Variants in H1-5 observed in about 807,000 individuals in gnomAD.
H1-5 encodes the protein histone H1.5.
A neutral mutation model predicts 4.6 loss-of-function variants in H1-5; 3 were observed. The observed-to-expected ratio is 0.65, with a 90% CI of 0.30 to 1.68. The LOEUF is 1.68. Ranked by LOEUF, H1-5 falls within the 40% of genes most tolerant of loss-of-function variation. The pLI is 0.10. For synonymous variants in H1-5, 250 were observed against 123.4 expected, an observed-to-expected ratio of 2.03 and a Z score of -6.80; for missense variants, 521 against 287.9, an observed-to-expected ratio of 1.81 and a Z score of -5.86.
rs1359940494 is a variant in H1-5 at position 27,867,422 on chromosome 6, G to T, written c.108C>A (p.Arg36=). ...KKAAGAGAAK[R]KATGPPVSEL... ...CTGAGACTGGGGGCCCCGTCGCTTT[G>T]CGCTTAGCAGCGCCGGCGCCGGCAG... The change falls in exon 1 of 1, where the codon CGC becomes CGA. Residue 36 remains arginine (R), a synonymous_variant. Transcript: ENST00000331442. 6.2e-7 allele frequency: 1 copy of T among 1,610,346 alleles called. No homozygotes were observed. Among genetic ancestry groups the T allele is most frequent in the South Asian group, 1.1e-5 (1 of 90,676 alleles).
chr6:27,867,354 C>G lies in H1-5; in HGVS notation c.176G>C (p.Gly59Ala). Reference protein sequence around the residue: ...KAVAASKERNGLSLAALKKAL... With the variant: ...KAVAASKERNALSLAALKKAL... The stretch of plus-strand genomic sequence containing the variant: ...CTTCTTAAGGGCTGCCAAAGAAAGG[C>G]CATTGCGCTCCTTAGAAGCAGCCAC... Residue 59 changes from glycine (G) to alanine (A), a missense_variant, in exon 1 of 1, where the codon GGC becomes GCC. Transcript: ENST00000331442. 1 of 1,614,264 alleles carries G rather than the reference C, an allele frequency of 6.2e-7. No individual in the cohort carries two copies. The highest frequency in any genetic ancestry group is 2.2e-5 in the East Asian group (1 of 44,878).
At position 27,867,056 on chromosome 6, in the gene H1-5, C is replaced by G. The variant is rs143393068; in HGVS notation, c.474G>C (p.Lys158Asn). 1 of 1,613,674 alleles carries G rather than the reference C, an allele frequency of 6.2e-7. No individual in the cohort carries two copies. Among genetic ancestry groups the G allele is most frequent in the South Asian group, 1.1e-5 (1 of 91,016 alleles). Residue 158 changes from lysine (K) to asparagine (N), a missense_variant, in exon 1 of 1, where the codon AAG (lysine) becomes AAC (asparagine). Lys to Asn is a moderately conservative substitution (Grantham distance 94, BLOSUM62 0). Transcript: ENST00000331442. ...CGCCAGCCGCCGCGGGCTTCTTCGC[C>G]TTCTTCGGAGTCTTCTTCACTGCCT... ...AKKAVKKTPK[K>N]AKKPAAAGVK...
chr6:27,866,900 TGCTTTGGGCTTAGCG>T lies in H1-5; in HGVS notation c.615_629del (p.Pro213_Lys217del), dbSNP rs758100284. 6.8e-5 allele frequency: 110 copies of T among 1,608,286 alleles called. 1 individual carries two copies. The highest frequency in any genetic ancestry group is 6.6e-4 in the Middle Eastern group (4 of 6,016). On this transcript the variant is annotated inframe_deletion, in exon 1 of 1. Coordinates refer to ENST00000331442, the MANE Select transcript of H1-5 (RefSeq NM_005322.3). ...TGGCCTTTGCAGCTTTAGGTTTTGC[TGCTTTGGGCTTAGCG>T]GCTTTGGGCTTTGCCGCCTTCGGCT... is the stretch of plus-strand genomic sequence containing the variant.
In H1-5 at chr6:27,867,105, G is replaced by T; in HGVS notation, c.425C>A (p.Ala142Asp). ...KKPAGATPKK[A>D]KKAAGAKKAV... ...CTTTTTCGCCCCTGCAGCCTTCTTG[G>T]CCTTCTTAGGCGTGGCCCCCGCGGG... The change falls in exon 1 of 1, where the codon GCC becomes GAC. Residue 142 changes from alanine (A) to aspartate (D), a missense_variant. Physicochemically the swap from Ala to Asp is moderately radical, Grantham distance 126 (BLOSUM62 -2). Coordinates refer to ENST00000331442, the MANE Select transcript of H1-5 (RefSeq NM_005322.3). 1 of 1,613,956 alleles carries T rather than the reference G, an allele frequency of 6.2e-7. No homozygotes were observed. Among genetic ancestry groups the T allele is most frequent in the Middle Eastern group, 1.7e-4 (1 of 6,044 alleles).
rs139479440 is a variant in H1-5, at chr6:27,867,062, C to T, written c.468G>A (p.Pro156=). The change falls in exon 1 of 1, where the codon CCG becomes CCA. Residue 156 remains proline, a synonymous_variant. Coordinates refer to ENST00000331442, the MANE Select transcript of H1-5 (RefSeq NM_005322.3). ...CCGCCGCGGGCTTCTTCGCCTTCTTCGGAGTCTTCTTCACTGCCTTTTTCG... is the reference window on the plus strand; with the variant it reads ...CCGCCGCGGGCTTCTTCGCCTTCTTTGGAGTCTTCTTCACTGCCTTTTTCG... ...AGAKKAVKKT[P]KKAKKPAAAG... The T allele has an allele frequency of 1.6e-4, 252 of 1,613,478 alleles. 1 individual carries two copies. The African/African-American group carries it at 2.8e-3, about 18-fold the overall frequency.
In H1-5 at chr6:27,866,997, T is replaced by C. The variant is rs376086559; in HGVS notation, c.533A>G (p.Lys178Arg). The C allele has an allele frequency of 1.5e-5, 25 of 1,614,110 alleles. No homozygotes were observed. In the African/African-American group the frequency reaches 2.5e-4, roughly 16 times the overall value. The change falls in exon 1 of 1, where the codon AAG becomes AGG. Residue 178 changes from lysine (K) to arginine (R), a missense_variant. Transcript: ENST00000331442. ...KKVAKSPKKA[K>R]AAAKPKKATK... The stretch of plus-strand genomic sequence containing the variant: ...TGCCTTTTTCGGTTTGGCAGCGGCC[T>C]TGGCCTTCTTAGGGCTCTTCGCCAC...
In H1-5 at chr6:27,866,924, CT is replaced by C; in HGVS notation, c.605del (p.Lys202SerfsTer?). ...CTGCTTTGGGCTTAGCGGCTTTGGG[CT>C]TTGCCGCCTTCGGCTTAACTGCCTT... ...KPKAVKPKAA[K>X]PKAAKPKAAK... On this transcript the variant is annotated frameshift_variant, in exon 1 of 1. Transcript: ENST00000331442. LOFTEE classifies it high-confidence loss of function. 1 of 1,613,948 alleles carries C rather than the reference CT, an allele frequency of 6.2e-7. No individual in the cohort carries two copies. Among genetic ancestry groups the C allele is most frequent in the Non-Finnish European group, 8.5e-7 (1 of 1,179,934 alleles).
Position 27,867,430 on chromosome 6 carries a change from C to A in H1-5, c.100G>T (p.Ala34Ser), listed in dbSNP as rs922702285. 5.0e-6 allele frequency: 8 copies of A among 1,610,160 alleles called. No homozygotes were observed. The South Asian group carries it at 8.8e-5, about 18-fold the overall frequency. ...ATKKAAGAGA[A>S]KRKATGPPVS... Reference sequence around the variant, plus strand: ...GGGGGCCCCGTCGCTTTGCGCTTAGCAGCGCCGGCGCCGGCAGCCTTCTTA... The same window carrying A: ...GGGGGCCCCGTCGCTTTGCGCTTAGAAGCGCCGGCGCCGGCAGCCTTCTTA... Residue 34 changes from alanine (A) to serine (S), a missense_variant, in exon 1 of 1, where the codon GCT (alanine) becomes TCT (serine). By Grantham distance (99) the Ala-to-Ser change is moderately conservative. Coordinates refer to ENST00000331442, the MANE Select transcript of H1-5 (RefSeq NM_005322.3).
chr6:27,867,558 A>T lies in H1-5; in HGVS notation c.-29T>A. On this transcript the variant is annotated 5_prime_UTR_variant, in exon 1 of 1. Coordinates refer to ENST00000331442, the MANE Select transcript of H1-5 (RefSeq NM_005322.3). Reference sequence around the variant, plus strand: ...GGCAAGAAACTGCTAGAAGAGAATAAGCTCGAAATCTAAAGAGCAGGTTTT... The same window carrying T: ...GGCAAGAAACTGCTAGAAGAGAATATGCTCGAAATCTAAAGAGCAGGTTTT... The T allele has an allele frequency of 6.6e-7, 1 of 1,519,820 alleles. No homozygotes were observed. Among genetic ancestry groups the T allele is most frequent in the Non-Finnish European group, 8.8e-7 (1 of 1,137,310 alleles). The allele number at this position is 1,519,820 out of a possible 1,614,324, so 94.1% of individuals were successfully genotyped here.
chr6:27,867,486 A>C lies in H1-5; in HGVS notation c.44T>G (p.Val15Gly). The change falls in exon 1 of 1, where the codon GTG (valine) becomes GGG (glycine). Residue 15 changes from valine (V) to glycine (G), a missense_variant. Physicochemically the swap from Val to Gly is moderately radical, Grantham distance 109 (BLOSUM62 -3). Transcript: ENST00000331442. ...APAETATPAP[V>G]EKSPAKKKAT... ...CTTCTTCTTAGCCGGGGATTTCTCCACCGGCGCTGGGGTGGCTGTCTCGGC... is the reference window on the plus strand; with the variant it reads ...CTTCTTCTTAGCCGGGGATTTCTCCCCCGGCGCTGGGGTGGCTGTCTCGGC... 1.3e-6 allele frequency: 2 copies of C among 1,584,188 alleles called. No homozygotes were observed. The highest frequency in any genetic ancestry group is 1.2e-5 in the South Asian group (1 of 86,726).
rs1411441433 is a variant in H1-5, at chr6:27,866,897, T to C, written c.633A>G (p.Ala211=). The change falls in exon 1 of 1, where the codon GCA becomes GCG. Residue 211 remains alanine, a synonymous_variant. Coordinates refer to ENST00000331442, the MANE Select transcript of H1-5 (RefSeq NM_005322.3). The part of the protein sequence containing the change: ...AKPKAAKPKA[A]KPKAAKAKKA... The stretch of plus-strand genomic sequence containing the variant: ...TCTTGGCCTTTGCAGCTTTAGGTTT[T>C]GCTGCTTTGGGCTTAGCGGCTTTGG... 7 of 1,608,268 alleles carry C rather than the reference T, an allele frequency of 4.4e-6. No individual in the cohort carries two copies. Among genetic ancestry groups the C allele is most frequent in the Non-Finnish European group, 5.1e-6 (6 of 1,178,458 alleles).
Position 27,866,926 on chromosome 6 carries a change from T to C in H1-5, c.604A>G (p.Lys202Glu). Reference protein sequence around the residue: ...KPKAVKPKAAKPKAAKPKAAK... With the variant: ...KPKAVKPKAAEPKAAKPKAAK... The stretch of plus-strand genomic sequence containing the variant: ...GCTTTGGGCTTAGCGGCTTTGGGCT[T>C]TGCCGCCTTCGGCTTAACTGCCTTG... Residue 202 changes from lysine (K) to glutamate (E), a missense_variant, in exon 1 of 1, where the codon AAG (lysine) becomes GAG (glutamate). By Grantham distance (56) the Lys-to-Glu change is moderately conservative. Transcript: ENST00000331442. The C allele has an allele frequency of 6.2e-7, 1 of 1,613,986 alleles. No individual in the cohort carries two copies. Among genetic ancestry groups the C allele is most frequent in the Non-Finnish European group, 8.5e-7 (1 of 1,179,940 alleles).
chr6:27,867,209 G>A lies in H1-5; in HGVS notation c.321C>T (p.Ser107=), dbSNP rs1761533056. The change falls in exon 1 of 1, where the codon TCC becomes TCT. Residue 107 remains serine (S), a synonymous_variant. Coordinates refer to ENST00000331442, the MANE Select transcript of H1-5 (RefSeq NM_005322.3). ...AGGCCGCCTTCTTGTTGAGTTTAAA[G>A]GAGCCAGAAGCACCAGTGCCCTTGG... ...VQTKGTGASG[S]FKLNKKAASG... is the part of the protein sequence containing the mutation. The A allele has an allele frequency of 6.2e-7, 1 of 1,614,242 alleles. No homozygotes were observed. Among genetic ancestry groups the A allele is most frequent in the Non-Finnish European group, 8.5e-7 (1 of 1,180,044 alleles).
chr6:27,867,342 G>A lies in H1-5; in HGVS notation c.188C>T (p.Ala63Val), dbSNP rs867178756. The A allele has an allele frequency of 3.1e-6, 5 of 1,614,254 alleles. No individual in the cohort carries two copies. The highest frequency in any genetic ancestry group is 3.4e-6 in the Non-Finnish European group (4 of 1,180,044). ...GGCCGCTAAGGCCTTCTTAAGGGCT[G>A]CCAAAGAAAGGCCATTGCGCTCCTT... is the stretch of plus-strand genomic sequence containing the variant. ...ASKERNGLSL[A>V]ALKKALAAGG... is the part of the protein sequence containing the mutation. Residue 63 changes from alanine to valine, a missense_variant, in exon 1 of 1, where the codon GCA (alanine) becomes GTA (valine). Coordinates refer to ENST00000331442, the MANE Select transcript of H1-5 (RefSeq NM_005322.3).
rs763089007 is a variant in H1-5, at chr6:27,867,551, G to A, written c.-22C>T. 1.0e-4 allele frequency: 159 copies of A among 1,526,224 alleles called. No homozygotes were observed. The East Asian group carries it at 3.0e-3, about 28-fold the overall frequency. 94.5% of individuals were successfully genotyped at this position (1,526,224 alleles called of 1,614,324 possible). On this transcript the variant is annotated 5_prime_UTR_variant, in exon 1 of 1. Transcript: ENST00000331442. ...ACATGGTGGCAAGAAACTGCTAGAA[G>A]AGAATAAGCTCGAAATCTAAAGAGC...
chr6:27,867,201 A>G lies in H1-5; in HGVS notation c.329T>C (p.Leu110Pro). Residue 110 changes from leucine to proline, a missense_variant, in exon 1 of 1, where the codon CTC (leucine) becomes CCC (proline). Physicochemically the swap from Leu to Pro is moderately conservative, Grantham distance 98. Coordinates refer to ENST00000331442, the MANE Select transcript of H1-5 (RefSeq NM_005322.3). ...TTCCCCGGAGGCCGCCTTCTTGTTGAGTTTAAAGGAGCCAGAAGCACCAGT... is the reference window on the plus strand; with the variant it reads ...TTCCCCGGAGGCCGCCTTCTTGTTGGGTTTAAAGGAGCCAGAAGCACCAGT... ...KGTGASGSFK[L>P]NKKAASGEAK... The G allele has an allele frequency of 6.2e-7, 1 of 1,614,058 alleles. No homozygotes were observed. Among genetic ancestry groups the G allele is most frequent in the South Asian group, 1.1e-5 (1 of 91,086 alleles).
In H1-5 at chr6:27,867,107, C is replaced by T. The variant is rs1761529368; in HGVS notation, c.423G>A (p.Lys141=). The T allele has an allele frequency of 1.9e-6, 3 of 1,611,216 alleles. No homozygotes were observed. The highest frequency in any genetic ancestry group is 2.5e-6 in the Non-Finnish European group (3 of 1,178,784). ...TTTTCGCCCCTGCAGCCTTCTTGGC[C>T]TTCTTAGGCGTGGCCCCCGCGGGCT... ...AKKPAGATPK[K]AKKAAGAKKA... The change falls in exon 1 of 1, where the codon AAG becomes AAA. Residue 141 remains lysine, a synonymous_variant. Transcript: ENST00000331442.
In H1-5 at chr6:27,867,327, G is replaced by A. The variant is rs1307022064; in HGVS notation, c.203C>T (p.Ala68Val). The stretch of plus-strand genomic sequence containing the variant: ...CACGTCGTAGCCACCGGCCGCTAAG[G>A]CCTTCTTAAGGGCTGCCAAAGAAAG... Reference protein sequence around the residue: ...NGLSLAALKKALAAGGYDVEK... With the variant: ...NGLSLAALKKVLAAGGYDVEK... Residue 68 changes from alanine (A) to valine (V), a missense_variant, in exon 1 of 1, where the codon GCC (alanine) becomes GTC (valine). By Grantham distance (64) the Ala-to-Val change is moderately conservative. Transcript: ENST00000331442. 23 of 1,614,134 alleles carry A rather than the reference G, an allele frequency of 1.4e-5. No individual in the cohort carries two copies. Among genetic ancestry groups the A allele is most frequent in the Non-Finnish European group, 1.8e-5 (21 of 1,180,048 alleles).
rs1761519336 is a variant in H1-5 at position 27,866,856 on chromosome 6, T to C, written c.674A>G (p.Lys225Arg). The change falls in exon 1 of 1, where the codon AAG becomes AGG. Residue 225 changes from lysine (K) to arginine (R), a missense_variant. Coordinates refer to ENST00000331442, the MANE Select transcript of H1-5 (RefSeq NM_005322.3). Reference protein sequence around the residue: ...AAKAKKAAAKKK With the variant: ...AAKAKKAAAKRK ...TTTTCACACGCCAGCTTCCTACTTC[T>C]TTTTGGCAGCCGCCTTCTTGGCCTT... 2 of 1,591,072 alleles carry C rather than the reference T, an allele frequency of 1.3e-6. No homozygotes were observed. The highest frequency in any genetic ancestry group is 1.1e-5 in the South Asian group (1 of 87,062).
Sources: allele counts gnomAD v4.1 joint callset, GRCh38; gene constraint gnomAD v4.1.1; transcripts MANE v1.5; gene names NCBI Gene and HGNC (gene_info 2026-07-23, HGNC 2026-07-21).